The following NSRP1 variants were observed in gnomAD, a reference collection of about 807,000 sequenced individuals.
The protein encoded by NSRP1 is coiled-coil domain containing 55.
In NSRP1, 24 loss-of-function variants were observed where a neutral mutation model predicts 54.7. That is an observed-to-expected ratio of 0.44 (90% CI 0.32 to 0.62). NSRP1 has a LOEUF of 0.62. Among genes scored for constraint, NSRP1 ranks in the 20% least tolerant of loss-of-function variants. The pLI is 0.06. For missense variants in NSRP1, 596 were observed against 651.2 expected (o/e 0.92, Z 0.92); for synonymous variants, 210 against 213.8 (o/e 0.98, Z 0.15).
chr17:30,138,667 A>G (rs1216678890), intron 2 of NSRP1, among the ~76,000 whole-genome samples: 1 of 152,138 alleles, frequency 6.6e-6, no homozygotes, highest in African/African-American at 2.4e-5. Flanking sequence ...ACAGAGGGCC[A>G]ACTGTATACT....
At chr17:30,169,108 T>C (rs902781504) in intron 2 of NSRP1, among the ~76,000 whole-genome samples, 1 of 152,122 alleles carries the variant, frequency 6.6e-6, no homozygotes, top group African/African-American at 2.4e-5. Flanking sequence ...ACAAAATCTT[T>C]TGAGGTGTCT....
At chr17:30,140,754 T>G (rs935018806) in intron 2 of NSRP1, among the ~76,000 whole-genome samples, 1 of 152,058 alleles carries the variant, frequency 6.6e-6, no homozygotes, top group African/African-American at 2.4e-5. Context: ...GGTCTCGAAC[T>G]CCTGACCTCG....
At position 30,184,653 on chromosome 17, in the gene NSRP1, A is replaced by G. The variant is rs769963022; in HGVS notation, c.656A>G (p.Asn219Ser). ...IKEEKSRGFS[N>S]EVSSKNRIPQ... ...GAAGAAAAATCAAGGGGCTTCTCCA[A>G]TGAAGTAAGTTCAAAAAACAGAATA... is the stretch of plus-strand genomic sequence containing the variant. The change falls in exon 7 of 7, where the codon AAT becomes AGT. Residue 219 changes from asparagine to serine, a missense_variant. Physicochemically the swap from Asn to Ser is conservative, Grantham distance 46. Transcript: ENST00000247026. 2.3e-5 allele frequency: 36 copies of G among 1,588,048 alleles called. No homozygotes were observed. Among genetic ancestry groups the G allele is most frequent in the African/African-American group, 1.1e-4 (8 of 73,560 alleles).
intron 2 of NSRP1, among the ~76,000 whole-genome samples, chr17:30,166,717 G>A (rs1032895405): frequency 1.3e-5 from 2 of 152,200 alleles, no homozygotes; most frequent in East Asian, 1.9e-4. Flanking sequence ...GAGGCCAGGA[G>A]TTCGAGACCA....
At chr17:30,117,959 C>G (rs1237718609) in intron 1 of NSRP1, 121 bp from the exon 2 acceptor site, 20 of 740,034 alleles carry the variant, frequency 2.7e-5, no homozygotes, top group Non-Finnish European at 4.1e-5. Context: ...CAGTCTGTTA[C>G]GTGTTCATAA....
At position 30,162,790 on chromosome 17, in the gene NSRP1, A is replaced by G. The variant is rs140730308; in HGVS notation, c.115-9752A>G. Among the ~76,000 whole-genome samples, 384 of 152,310 alleles carry G rather than the reference A, an allele frequency of 2.5e-3. 1 individual carries two copies. The highest frequency in any genetic ancestry group is 6.5e-3 in the African/African-American group (272 of 41,574). The stretch of plus-strand genomic sequence containing the variant: ...TATTATTGAAGGAAGGTAATTTAAT[A>G]ATATAAATAATGGTCTAGTACCTAT... On this transcript the variant is annotated intron_variant, in intron 2 of 6. Coordinates refer to ENST00000247026, the MANE Select transcript of NSRP1 (RefSeq NM_032141.4).
chr17:30,139,227 AT>A (rs2071781148), intron 2 of NSRP1, among the ~76,000 whole-genome samples: 1 of 151,816 alleles, frequency 6.6e-6, no homozygotes, highest in African/African-American at 2.4e-5. Context: ...ATCTTTGCCC[AT>A]TTTTTAATCC....
rs764863885 is a variant in NSRP1 at position 30,184,727 on chromosome 17, C to T, written c.730C>T (p.Pro244Ser). The T allele has an allele frequency of 1.2e-6, 2 of 1,613,698 alleles. No individual in the cohort carries two copies. The highest frequency in any genetic ancestry group is 2.7e-5 in the African/African-American group (2 of 74,832). ...AACTGATGTGAAAGTAGAGGAAAACCCAGATGCAGACAGTGACTTCGATGC... is the reference window on the plus strand; with the variant it reads ...AACTGATGTGAAAGTAGAGGAAAACTCAGATGCAGACAGTGACTTCGATGC... ...LQTDVKVEENPDADSDFDAKS... is the reference protein window; with the variant it reads ...LQTDVKVEENSDADSDFDAKS... Residue 244 changes from proline (P) to serine (S), a missense_variant, in exon 7 of 7, where the codon CCA becomes TCA. Physicochemically the swap from Pro to Ser is moderately conservative, Grantham distance 74. Transcript: ENST00000247026.
At chr17:30,129,575 G>A (rs2071681640) in intron 2 of NSRP1, among the ~76,000 whole-genome samples, 3 of 152,000 alleles carry the variant, frequency 2.0e-5, no homozygotes, top group Non-Finnish European at 4.4e-5. Flanking sequence ...GTAAGTTGAA[G>A]GTTTGGTTTT....
chr17:30,136,058 C>A (rs1567792878), intron 2 of NSRP1, among the ~76,000 whole-genome samples: 1 of 151,758 alleles, frequency 6.6e-6, no homozygotes, highest in Non-Finnish European at 1.5e-5. Flanking sequence ...ACTAAAAATA[C>A]AAAAATTAGC....
Position 30,123,217 on chromosome 17 carries a change from A to T in NSRP1, c.114+5044A>T, listed in dbSNP as rs1349368660. Among the ~76,000 whole-genome samples the T allele has an allele frequency of 2.0e-5, 3 of 152,210 alleles. No homozygotes were observed. In the East Asian group the frequency reaches 5.8e-4, roughly 29 times the overall value. ...TGGGTTCAACCAGTTTCCCTGCTTC[A>T]GCCTCCCGAGTAGCTAGGACTACAG... On this transcript the variant is annotated intron_variant, in intron 2 of 6. Coordinates refer to ENST00000247026, the MANE Select transcript of NSRP1 (RefSeq NM_032141.4).
At chr17:30,130,055 A>G (rs949906190) in intron 2 of NSRP1, among the ~76,000 whole-genome samples, 34 of 152,168 alleles carry the variant, frequency 2.2e-4, no homozygotes, top group African/African-American at 7.5e-4. Context: ...AGAAGTGGGG[A>G]GATGGCAAGA....
intron 2 of NSRP1, among the ~76,000 whole-genome samples, chr17:30,162,668 C>T (rs1410768082): frequency 6.6e-6 from 1 of 152,096 alleles, no homozygotes; most frequent in Non-Finnish European, 1.5e-5. Flanking sequence ...GAAAGAAGCT[C>T]ATATGTCCCA....
At chr17:30,133,192 A>G (rs367882321) in intron 2 of NSRP1, among the ~76,000 whole-genome samples, 20 of 150,902 alleles carry the variant, frequency 1.3e-4, no homozygotes, top group African/African-American at 2.9e-4. Context: ...AGCTCAAGCA[A>G]TCTACCTGCC....
intron 2 of NSRP1, among the ~76,000 whole-genome samples, chr17:30,133,993 C>T (rs911872827): frequency 2.7e-4 from 41 of 152,228 alleles, no homozygotes; most frequent in African/African-American, 9.6e-4. Context: ...CTTCCTCAAT[C>T]AGCTTAATCA....
chr17:30,178,192 AC>A lies in NSRP1; in HGVS notation c.294del (p.Asp98GlufsTer11), dbSNP rs1455321557. On this transcript the variant is annotated frameshift_variant, in exon 4 of 7. Transcript: ENST00000247026. LOFTEE classifies it high-confidence loss of function. Reference protein sequence around the residue: ...ENNPKLLLGKDRKPKYIHNLL... With the variant: ...ENNPKLLLGKXRKPKYIHNLL... ...AATCCCAAATTGCTTTTGGGGAAAG[AC>A]AGAAAGGTTTGTAAGCTGAAATAAC... 2 of 1,598,944 alleles carry A rather than the reference AC, an allele frequency of 1.3e-6. No individual in the cohort carries two copies. Among genetic ancestry groups the A allele is most frequent in the Admixed American group, 3.6e-5 (2 of 55,378 alleles).
intron 2 of NSRP1, among the ~76,000 whole-genome samples, chr17:30,165,215 A>G (rs564839433): frequency 2.0e-5 from 3 of 152,212 alleles, no homozygotes; most frequent in South Asian, 2.1e-4. Flanking sequence ...TAGTGCAAGA[A>G]GTATTGTGGT....
intron 3 of NSRP1, among the ~76,000 whole-genome samples, chr17:30,176,607 C>A (rs905328653): frequency 2.5e-5 from 2 of 80,696 alleles, no homozygotes; most frequent in Admixed American, 2.4e-4. Context: ...AAGACTTCGT[C>A]CCCCCCCCCC....
intron 2 of NSRP1, among the ~76,000 whole-genome samples, chr17:30,158,260 T>G (rs1315055190): frequency 2.0e-5 from 3 of 152,150 alleles, no homozygotes; most frequent in African/African-American, 7.2e-5. Flanking sequence ...CATTTGTATG[T>G]CTTTTGAGAA....
Sources: gnomAD v4.1 joint callset for allele counts (sites outside exome capture counted in the v4.1 genomes callset) on GRCh38, gnomAD v4.1.1 for gene constraint, MANE v1.5 for transcripts, NCBI Gene and HGNC (gene_info 2026-07-23, HGNC 2026-07-21) for gene names.